Variants in PRKAA2 observed in about 807,000 individuals in gnomAD.
The protein encoded by PRKAA2 is protein kinase AMP-activated catalytic subunit alpha 2.
PRKAA2 carries 40 observed loss-of-function variants against 56.3 expected under a neutral mutation model. The observed-to-expected ratio is 0.71, with a 90% CI of 0.55 to 0.92. The LOEUF is 0.92. Among genes scored for constraint, PRKAA2 ranks in the 40% least tolerant of loss-of-function variants. The pLI is 0.00. For synonymous variants in PRKAA2, 214 were observed against 234.2 expected, an observed-to-expected ratio of 0.91 and a Z score of 0.79; for missense variants, 542 against 686.9, an observed-to-expected ratio of 0.79 and a Z score of 2.36.
chr1:56,692,127 G>T (rs906072290), intron 3 of PRKAA2, among the ~76,000 whole-genome samples: 3 of 149,850 alleles, frequency 2.0e-5, no homozygotes, highest in African/African-American at 7.4e-5. Context: ...CTGCCTCCTG[G>T]TACAAGCAAT....
intron 3 of PRKAA2, 91 bp from the exon 4 acceptor site, chr1:56,692,267 G>T: frequency 6.7e-7 from 1 of 1,492,972 alleles, no homozygotes; most frequent in South Asian, 1.2e-5. Context: ...CCTGACCTCA[G>T]GTAATCCACC....
chr1:56,689,425 A>G (rs985379821), intron 2 of PRKAA2, among the ~76,000 whole-genome samples: 1 of 152,178 alleles, frequency 6.6e-6, no homozygotes, highest in Non-Finnish European at 1.5e-5. Flanking sequence ...GCCATTCAAA[A>G]TATTTCTTCT....
chr1:56,698,460 A>G (rs951054072), intron 6 of PRKAA2, among the ~76,000 whole-genome samples: 4 of 152,194 alleles, frequency 2.6e-5, no homozygotes, highest in South Asian at 2.1e-4. Flanking sequence ...ATTAGGGACC[A>G]ATTATTAATT....
chr1:56,714,913 GAAA>G lies in PRKAA2; in HGVS notation c.*7207_*7209del, dbSNP rs561216478. On this transcript the variant is annotated 3_prime_UTR_variant, in exon 9 of 9. Transcript: ENST00000371244. ...TCATTCTTAGCATACCTTTGAAAAA[GAAA>G]AAAAAATCCATAGGTTGATACATTG... 1.3e-5 allele frequency: 2 copies of G among 149,306 alleles called. No individual in the cohort carries two copies. The highest frequency in any genetic ancestry group is 4.2e-4 in the South Asian group (2 of 4,716). The allele number at this position is 149,306 out of a possible 1,614,324, so 9.2% of individuals were successfully genotyped here.
In PRKAA2 at chr1:56,714,126, AT is replaced by A. The variant is rs1241225225; in HGVS notation, c.*6416del. On this transcript the variant is annotated 3_prime_UTR_variant, in exon 9 of 9. Coordinates refer to ENST00000371244, the MANE Select transcript of PRKAA2 (RefSeq NM_006252.4). ...TATAAGTCACCTTGGTAAACATAACATTTGGCTACCTTCTCATGCTTTATAA... is the reference window on the plus strand; with the variant it reads ...TATAAGTCACCTTGGTAAACATAACATTGGCTACCTTCTCATGCTTTATAA... The A allele has an allele frequency of 6.6e-6, 1 of 152,122 alleles. No homozygotes were observed. Among genetic ancestry groups the A allele is most frequent in the African/African-American group, 2.4e-5 (1 of 41,430 alleles). 9.4% of individuals were successfully genotyped at this position (152,122 alleles called of 1,614,324 possible). A position where few individuals can be genotyped will look rare whatever the true frequency, so the allele number is the denominator to read the frequency against.
Position 56,655,280 on chromosome 1 carries a change from A to ATATATATATTTT in PRKAA2, c.94+9800_94+9801insATATATATTTTT. Among the ~76,000 whole-genome samples, 485 of 93,624 alleles carry ATATATATATTTT rather than the reference A, an allele frequency of 5.2e-3. 8 individuals carry two copies. Among genetic ancestry groups the ATATATATATTTT allele is most frequent in the East Asian group, 0.026 (55 of 2,136 alleles). The allele number at this position is 93,624 out of a possible 152,430, so 61.4% of individuals were successfully genotyped here. ...TGTATTTATATATCTATATATATAT[A>ATATATATATTTT]TTTTTTTTTTTTTTTTGTAGAGACA... On this transcript the variant is annotated intron_variant, in intron 1 of 8. Coordinates refer to ENST00000371244, the MANE Select transcript of PRKAA2 (RefSeq NM_006252.4).
chr1:56,691,246 T>C, intron 2 of PRKAA2, 148 bp from the exon 3 acceptor site: 1 of 462,742 alleles, frequency 2.2e-6, no homozygotes, highest in Non-Finnish European at 3.8e-6. Flanking sequence ...TGTTTATTGC[T>C]CTGTGATTAT....
intron 6 of PRKAA2, among the ~76,000 whole-genome samples, chr1:56,697,901 T>C (rs1246071242): frequency 2.0e-5 from 3 of 152,006 alleles, no homozygotes; most frequent in African/African-American, 7.2e-5. Context: ...AATGTAAATA[T>C]ATTTACTGGG....
At chr1:56,699,926 T>C (rs1008781233) in intron 6 of PRKAA2, among the ~76,000 whole-genome samples, 1 of 152,222 alleles carries the variant, frequency 6.6e-6, no homozygotes, top group African/African-American at 2.4e-5. Flanking sequence ...CATGTATTAG[T>C]ACTTCATTTT....
At chr1:56,669,556 C>T (rs1261105700) in intron 1 of PRKAA2, among the ~76,000 whole-genome samples, 2 of 152,060 alleles carry the variant, frequency 1.3e-5, no homozygotes, top group Non-Finnish European at 2.9e-5. Flanking sequence ...TGAGTGACCA[C>T]AGGCAAATTC....
In PRKAA2 at chr1:56,702,705, A is replaced by G. The variant is rs373122694; in HGVS notation, c.789-1266A>G. Among the ~76,000 whole-genome samples, 10 of 152,286 alleles carry G rather than the reference A, an allele frequency of 6.6e-5. No homozygotes were observed. The East Asian group carries it at 1.2e-3, about 18-fold the overall frequency. ...GAATATCTGTTCTGCAACTCTTTGCATAGCTGACTTCAGATCATTCTAGTG... is the reference window on the plus strand; with the variant it reads ...GAATATCTGTTCTGCAACTCTTTGCGTAGCTGACTTCAGATCATTCTAGTG... On this transcript the variant is annotated intron_variant, in intron 6 of 8. Coordinates refer to ENST00000371244, the MANE Select transcript of PRKAA2 (RefSeq NM_006252.4).
chr1:56,679,798 C>T (rs1200315524), intron 2 of PRKAA2, among the ~76,000 whole-genome samples: 19 of 152,074 alleles, frequency 1.2e-4, no homozygotes, highest in East Asian at 1.9e-4. Context: ...GGTTTTATGC[C>T]ACCTTTGCTA....
At chr1:56,678,991 G>C (rs560867376) in intron 2 of PRKAA2, among the ~76,000 whole-genome samples, 1 of 152,178 alleles carries the variant, frequency 6.6e-6, no homozygotes, top group African/African-American at 2.4e-5. Context: ...ACCATGCCCA[G>C]CCTAATTCTT....
intron 1 of PRKAA2, among the ~76,000 whole-genome samples, chr1:56,666,314 C>G (rs1000310723): frequency 2.6e-5 from 4 of 152,108 alleles, no homozygotes; most frequent in African/African-American, 9.7e-5. Context: ...AGATCAGTAA[C>G]AACAACAGCA....
At chr1:56,703,254 C>T (rs1400193291) in intron 6 of PRKAA2, among the ~76,000 whole-genome samples, 1 of 151,902 alleles carries the variant, frequency 6.6e-6, no homozygotes, top group South Asian at 2.1e-4. Context: ...AAAATGTAGG[C>T]TATTATCTAT....
At chr1:56,676,635 A>G (rs1644114854) in intron 2 of PRKAA2, among the ~76,000 whole-genome samples, 1 of 152,226 alleles carries the variant, frequency 6.6e-6, no homozygotes, top group Non-Finnish European at 1.5e-5. Flanking sequence ...TGGGAAACTA[A>G]TACAGCATCA....
rs375570443 is a variant in PRKAA2 at position 56,682,703 on chromosome 1, C to G, written c.236+8181C>G. 1.3e-4 allele frequency among the ~76,000 whole-genome samples: 20 copies of G among 152,264 alleles called. No individual in the cohort carries two copies. In the East Asian group the frequency reaches 2.1e-3, roughly 16 times the overall value. On this transcript the variant is annotated intron_variant, in intron 2 of 8. Coordinates refer to ENST00000371244, the MANE Select transcript of PRKAA2 (RefSeq NM_006252.4). ...GTATGGTGGCAGAAGTAGAAGCAGA[C>G]AGACCAGTTGGGAAGCTATTGCTAT...
At chr1:56,645,652 G>A (rs1042453565) in intron 1 of PRKAA2, among the ~76,000 whole-genome samples, 171 bp downstream of exon 1, 3 of 152,024 alleles carry the variant, frequency 2.0e-5, no homozygotes, top group Admixed American at 1.3e-4. Flanking sequence ...GCCTCGCCTG[G>A]CACCGGCGCC....
rs568091330 is a variant in PRKAA2 at position 56,672,911 on chromosome 1, T to C, written c.95-1470T>C. ...AGACAAGTTGGAAACTAGAGGAAGA[T>C]ACAGGATCAATGGAAAAGTTTTGGA... On this transcript the variant is annotated intron_variant, in intron 1 of 8. Transcript: ENST00000371244. 1.5e-4 allele frequency among the ~76,000 whole-genome samples: 23 copies of C among 152,190 alleles called. No homozygotes were observed. In the South Asian group the frequency reaches 4.1e-3, roughly 27 times the overall value.
Sources: allele counts gnomAD v4.1 joint callset (sites outside exome capture counted in the v4.1 genomes callset), GRCh38; gene constraint gnomAD v4.1.1; transcripts MANE v1.5; gene names NCBI Gene and HGNC (gene_info 2026-07-23, HGNC 2026-07-21).